Variants in ROBO2 observed in about 807,000 individuals in gnomAD.
The protein encoded by ROBO2 is roundabout homolog 2.
ROBO2 carries 53 observed loss-of-function variants against 160.8 expected under a neutral mutation model. The ratio of observed to expected loss-of-function variants is 0.33; its 90% CI spans 0.26 to 0.41. The LOEUF (loss-of-function observed/expected upper bound fraction) is 0.41, where lower values mean the gene tolerates loss of function less well. ROBO2 is among the 10% of genes least tolerant of loss of function. ROBO2 has a pLI of 1.00. For synonymous variants in ROBO2, 664 were observed against 611.7 expected (o/e 1.09, Z -1.26); for missense variants, 1,577 against 1,722.4 (o/e 0.92, Z 1.49).
chr3:77,251,099 A>G (rs1235183583), intron 2 of ROBO2, among the ~76,000 whole-genome samples: 3 of 152,000 alleles, frequency 2.0e-5, no homozygotes, highest in Admixed American at 2.0e-4. Flanking sequence ...AGGCTTCACT[A>G]GGCATTGCCT....
chr3:76,185,589 C>G (rs1489656030), intron 2 of ROBO2, among the ~76,000 whole-genome samples: 1 of 151,868 alleles, frequency 6.6e-6, no homozygotes, highest in African/African-American at 2.4e-5. Flanking sequence ...ACAGAGAGAG[C>G]ATTAAAGATC....
exon 9 of ROBO2, chr3:77,557,969 A>G: frequency 6.2e-6 from 10 of 1,613,024 alleles, no homozygotes; most frequent in Non-Finnish European, 7.6e-6. Flanking sequence ...CTCCACCTAT[A>G]ATTCTACAAG....
intron 2 of ROBO2, among the ~76,000 whole-genome samples, chr3:76,338,679 C>CT (rs1260812801): frequency 2.0e-5 from 3 of 150,624 alleles, no homozygotes; most frequent in Admixed American, 6.6e-5. Flanking sequence ...GATCATGCTT[C>CT]TTTTTTAAAA....
At chr3:76,215,655 C>T (rs1703467960) in intron 2 of ROBO2, among the ~76,000 whole-genome samples, 1 of 152,074 alleles carries the variant, frequency 6.6e-6, no homozygotes, top group African/African-American at 2.4e-5. Flanking sequence ...AAATATGGGA[C>T]TATGTGAAAA....
At chr3:76,568,425 G>A (rs1252851770) in intron 2 of ROBO2, among the ~76,000 whole-genome samples, 57 of 151,596 alleles carry the variant, frequency 3.8e-4, no homozygotes, top group Admixed American at 3.7e-3. Context: ...AACCTCCCGA[G>A]TAGCTGGGAC....
chr3:77,316,951 C>T lies in ROBO2; in HGVS notation c.389-160463C>T, dbSNP rs548725914. On this transcript the variant is annotated intron_variant, in intron 2 of 25. Coordinates refer to ENST00000461745, the Ensembl canonical transcript of ROBO2. ...CTGATACTTGGCTGCTGTTCCGAAG[C>T]GCGTGTTACTGTTTCCTGCTGTCCA... The T allele has an allele frequency of 9.7e-6, 13 of 1,338,738 alleles. 1 individual carries two copies. In the Admixed American group the frequency reaches 1.0e-4, roughly 10 times the overall value. The allele number at this position is 1,338,738 out of a possible 1,614,324, so 82.9% of individuals were successfully genotyped here.
intron 2 of ROBO2, among the ~76,000 whole-genome samples, chr3:77,338,452 A>C (rs368308031): frequency 3.9e-5 from 6 of 152,168 alleles, no homozygotes; most frequent in African/African-American, 1.4e-4. Context: ...GATTAAGCTT[A>C]TGTTTATCTG....
chr3:76,158,909 A>T (rs570994454), intron 2 of ROBO2, among the ~76,000 whole-genome samples: 1 of 152,194 alleles, frequency 6.6e-6, no homozygotes, highest in Non-Finnish European at 1.5e-5. Context: ...GATTGTTTAT[A>T]TGTAAAATTC....
rs746271544 is a variant in ROBO2 at position 76,660,328 on chromosome 3, G to A, written c.110-437686G>A. ...CAGATAGTTTGAGAGGCACTGGAGC[G>A]GTGACCCAGTCGAAGAGTATAGTAG... is the stretch of plus-strand genomic sequence containing the variant. On this transcript the variant is annotated intron_variant, in intron 2 of 26. Transcript: ENST00000487694. Among the ~76,000 whole-genome samples, 22 of 152,142 alleles carry A rather than the reference G, an allele frequency of 1.4e-4. 1 individual carries two copies. The highest frequency in any genetic ancestry group is 2.4e-4 in the Non-Finnish European group (16 of 68,024).
Position 77,319,642 on chromosome 3 carries a change from T to G in ROBO2, c.389-157772T>G, listed in dbSNP as rs577080804. ...AAATAACAAAGAAGACGCTTTTGTA[T>G]CTTTTTCCATTATCAATAACGTCAA... On this transcript the variant is annotated intron_variant, in intron 2 of 25. Coordinates refer to ENST00000461745, the Ensembl canonical transcript of ROBO2. Among the ~76,000 whole-genome samples, 15 of 152,350 alleles carry G rather than the reference T, an allele frequency of 9.8e-5. No homozygotes were observed. In the South Asian group the frequency reaches 3.1e-3, roughly 32 times the overall value.
chr3:76,681,800 A>G (rs1321048713), intron 2 of ROBO2, among the ~76,000 whole-genome samples: 2 of 151,970 alleles, frequency 1.3e-5, no homozygotes, highest in African/African-American at 4.8e-5. Context: ...CATTACTTTC[A>G]ATGGCAAAAA....
chr3:75,946,777 G>C (rs1948313885), intron 2 of ROBO2, among the ~76,000 whole-genome samples: 1 of 152,092 alleles, frequency 6.6e-6, no homozygotes, highest in Non-Finnish European at 1.5e-5. Context: ...AGAGCATGGA[G>C]AGGTATTACA....
chr3:76,489,059 T>C, intron 2 of ROBO2, among the ~76,000 whole-genome samples: 1 of 124,184 alleles, frequency 8.1e-6, no homozygotes. Flanking sequence ...CACTCCAGCT[T>C]GGGTGACAGA....
At chr3:77,602,442 T>C (rs1428656984) in exon 20 of ROBO2, 1 of 1,613,966 alleles carries the variant, frequency 6.2e-7, no homozygotes, top group Non-Finnish European at 8.5e-7. Flanking sequence ...AAAAAACAGA[T>C]CTGATGGGAT....
intron 2 of ROBO2, among the ~76,000 whole-genome samples, chr3:76,552,001 C>T (rs1385463244): frequency 2.6e-5 from 4 of 152,078 alleles, no homozygotes; most frequent in East Asian, 1.9e-4. Context: ...CCAGCAGGTG[C>T]GAGCAATACT....
At chr3:76,759,618 C>T (rs2061185000) in intron 2 of ROBO2, among the ~76,000 whole-genome samples, 1 of 151,500 alleles carries the variant, frequency 6.6e-6, no homozygotes, top group South Asian at 2.1e-4. Flanking sequence ...AGTATTTGAC[C>T]AAACCATAAA....
intron 2 of ROBO2, among the ~76,000 whole-genome samples, chr3:77,237,755 A>G (rs1372909108): frequency 1.3e-5 from 2 of 152,184 alleles, no homozygotes; most frequent in Non-Finnish European, 2.9e-5. Flanking sequence ...GGTAAATGCC[A>G]AACAGTGGAA....
At chr3:76,961,869 T>C (rs2079687911) in intron 2 of ROBO2, among the ~76,000 whole-genome samples, 1 of 152,174 alleles carries the variant, frequency 6.6e-6, no homozygotes, top group African/African-American at 2.4e-5. Flanking sequence ...ATGTGATAAT[T>C]CAGCGATTCA....
At chr3:77,316,945 C>G (rs2064056837) in intron 2 of ROBO2, 1 of 1,322,618 alleles carries the variant, frequency 7.6e-7, no homozygotes, top group Admixed American at 1.7e-5. Flanking sequence ...GGCTGCTGTT[C>G]CGAAGCGCGT....
Sources: allele counts gnomAD v4.1 joint callset (sites outside exome capture counted in the v4.1 genomes callset), GRCh38; gene constraint gnomAD v4.1.1; transcripts MANE v1.5; gene names NCBI Gene and HGNC (gene_info 2026-07-23, HGNC 2026-07-21).